CABLES1: variants seen among roughly 807,000 people sequenced by gnomAD.
CABLES1 encodes the protein Cdk5 and Abl enzyme substrate 1.
A neutral mutation model predicts 57.8 loss-of-function variants in CABLES1; 36 were observed. That is an observed-to-expected ratio of 0.62 (90% CI 0.48 to 0.82). CABLES1 has a LOEUF of 0.82. CABLES1 is among the 40% of genes least tolerant of loss of function. The pLI, the probability that CABLES1 is intolerant of heterozygous loss-of-function variation, is 0.00. For synonymous variants in CABLES1, 374 were observed against 363.0 expected (o/e 1.03, Z -0.35); for missense variants, 767 against 836.6 (o/e 0.92, Z 1.03).
intron 2 of CABLES1, among the ~76,000 whole-genome samples, chr18:23,193,766 C>G (rs1378740970): frequency 6.6e-6 from 1 of 152,012 alleles, no homozygotes; most frequent in Non-Finnish European, 1.5e-5. Context: ...TTTTGCCAGT[C>G]CTATAGTACA....
At chr18:23,200,544 G>A (rs902999489) in intron 3 of CABLES1, among the ~76,000 whole-genome samples, 10 of 152,206 alleles carry the variant, frequency 6.6e-5, no homozygotes, top group Admixed American at 4.6e-4. Context: ...TTACAGGCGT[G>A]AGCCACCGTG....
chr18:23,207,773 G>A (rs1189434298), intron 3 of CABLES1, among the ~76,000 whole-genome samples: 2 of 152,162 alleles, frequency 1.3e-5, no homozygotes, highest in Non-Finnish European at 2.9e-5. Context: ...AGGATAAGGT[G>A]TGCCTCCTTA....
At position 23,257,668 on chromosome 18, in the gene CABLES1, G is replaced by A; in HGVS notation, c.*301G>A. On this transcript the variant is annotated 3_prime_UTR_variant, in exon 10 of 10. Coordinates refer to ENST00000256925, the MANE Select transcript of CABLES1 (RefSeq NM_001100619.3). ...TGCCCCAGCCCAGTCTTTCTCCCCG[G>A]CATTCACAAACTTTGCAAGCGTGGT... is the stretch of plus-strand genomic sequence containing the variant. 1 of 282,560 alleles carries A rather than the reference G, an allele frequency of 3.5e-6. No homozygotes were observed. Among genetic ancestry groups the A allele is most frequent in the Non-Finnish European group, 6.5e-6 (1 of 155,022 alleles). 17.5% of individuals were successfully genotyped at this position (282,560 alleles called of 1,614,324 possible).
chr18:23,156,037 T>C (rs1490915171), intron 1 of CABLES1: 4 of 1,473,660 alleles, frequency 2.7e-6, no homozygotes, highest in East Asian at 4.5e-5. Flanking sequence ...ACGGTCTTTG[T>C]TGGAAATTGA....
At position 23,194,624 on chromosome 18, in the gene CABLES1, C is replaced by G; in HGVS notation, c.1010+84C>G. 6 of 875,364 alleles carry G rather than the reference C, an allele frequency of 6.9e-6. No individual in the cohort carries two copies. The South Asian group carries it at 8.3e-5, about 12-fold the overall frequency. The allele number at this position is 875,364 out of a possible 1,614,324, so 54.2% of individuals were successfully genotyped here. On this transcript the variant is annotated intron_variant, in intron 3 of 9. Transcript: ENST00000256925. ...GAGGGGACAGTTTTAGTGGCCAAAA[C>G]TCAGCAAACGCAAGCCCACACTTTT...
chr18:23,217,021 C>T (rs551375914), intron 4 of CABLES1, among the ~76,000 whole-genome samples: 21 of 152,262 alleles, frequency 1.4e-4, no homozygotes, highest in South Asian at 1.0e-3. Context: ...ATCCACTATT[C>T]CTCCAGATTT....
At chr18:23,182,718 C>T (rs922359409) in intron 1 of CABLES1, among the ~76,000 whole-genome samples, 2 of 152,228 alleles carry the variant, frequency 1.3e-5, no homozygotes, top group African/African-American at 2.4e-5. Context: ...TCCTAACTCT[C>T]GGGCCAGAGC....
intron 1 of CABLES1, among the ~76,000 whole-genome samples, chr18:23,144,217 G>A (rs1568041458): frequency 6.6e-6 from 1 of 152,224 alleles, no homozygotes; most frequent in Non-Finnish European, 1.5e-5. Flanking sequence ...CCCCTCCTCC[G>A]TGGTCTGGTC....
At chr18:23,156,222 C>T (rs1022036167) in intron 1 of CABLES1, among the ~76,000 whole-genome samples, 1 of 152,210 alleles carries the variant, frequency 6.6e-6, no homozygotes, top group Admixed American at 6.5e-5. Flanking sequence ...GGGCCATAGG[C>T]TCTCACATGG....
At position 23,237,140 on chromosome 18, in the gene CABLES1, A is replaced by AG. The variant is rs778065523; in HGVS notation, c.1343dup. On this transcript the variant is annotated splice_acceptor_variant, in intron 6 of 9. Transcript: ENST00000256925. LOFTEE classifies it high-confidence loss of function. Reference sequence around the variant, plus strand: ...ATTTTGCATTTTGCATGTGATCTTCAGGTAGTGACCTGGGAGACTTTATGG... The same window carrying AG: ...ATTTTGCATTTTGCATGTGATCTTCAGGGTAGTGACCTGGGAGACTTTATGG... 6.3e-7 allele frequency: 1 copy of AG among 1,589,302 alleles called. No individual in the cohort carries two copies. The highest frequency in any genetic ancestry group is 2.2e-5 in the East Asian group (1 of 44,750).
At chr18:23,175,276 T>C (rs956920476) in intron 1 of CABLES1, among the ~76,000 whole-genome samples, 1 of 152,186 alleles carries the variant, frequency 6.6e-6, no homozygotes, top group African/African-American at 2.4e-5. Context: ...GTATAATTGT[T>C]CTAATCTGAT....
In CABLES1 at chr18:23,136,137, G is replaced by T. The variant is rs2046818582; in HGVS notation, c.375G>T (p.Pro125=). The T allele has an allele frequency of 5.0e-6, 6 of 1,201,478 alleles. No individual in the cohort carries two copies. Among genetic ancestry groups the T allele is most frequent in the South Asian group, 8.2e-5 (2 of 24,526 alleles). 74.4% of individuals were successfully genotyped at this position (1,201,478 alleles called of 1,614,324 possible). A position where few individuals can be genotyped will look rare whatever the true frequency, so the allele number is the denominator to read the frequency against. The part of the protein sequence containing the change: ...ERGGCIALAA[P]GTPAAGLAAG... ...GCGGCTGCATCGCGCTCGCCGCGCC[G>T]GGCACGCCGGCTGCGGGGTTAGCCG... Residue 125 remains proline (P), a synonymous_variant, in exon 1 of 10, where the codon CCG becomes CCT. Coordinates refer to ENST00000256925, the MANE Select transcript of CABLES1 (RefSeq NM_001100619.3).
At chr18:23,200,994 C>T (rs1325082438) in intron 3 of CABLES1, among the ~76,000 whole-genome samples, 1 of 152,076 alleles carries the variant, frequency 6.6e-6, no homozygotes, top group African/African-American at 2.4e-5. Context: ...GAGTGATTGG[C>T]GTAAAGGCCC....
At chr18:23,161,333 T>G (rs537360260) in intron 1 of CABLES1, among the ~76,000 whole-genome samples, 2 of 152,196 alleles carry the variant, frequency 1.3e-5, no homozygotes, top group East Asian at 3.9e-4. Flanking sequence ...TTGTGGGTGC[T>G]GTGTTCCAGA....
At chr18:23,235,248 A>G (rs1282342982) in intron 5 of CABLES1, among the ~76,000 whole-genome samples, 2 of 152,214 alleles carry the variant, frequency 1.3e-5, no homozygotes, top group East Asian at 1.9e-4. Context: ...AACCCTTTCA[A>G]AATCTGTGTA....
chr18:23,146,874 A>G (rs1240585413), intron 1 of CABLES1, among the ~76,000 whole-genome samples: 1 of 152,184 alleles, frequency 6.6e-6, no homozygotes, highest in East Asian at 1.9e-4. Flanking sequence ...AGAATCAACT[A>G]AGTACTGTAG....
At chr18:23,177,729 G>C (rs1176986959) in intron 1 of CABLES1, among the ~76,000 whole-genome samples, 1 of 152,108 alleles carries the variant, frequency 6.6e-6, no homozygotes, top group African/African-American at 2.4e-5. Flanking sequence ...CCCCTGCCAT[G>C]GCCTGCCTGC....
intron 4 of CABLES1, among the ~76,000 whole-genome samples, chr18:23,222,924 A>G (rs1477667852): frequency 6.6e-6 from 1 of 152,212 alleles, no homozygotes; most frequent in Non-Finnish European, 1.5e-5. Flanking sequence ...TGCAAGTGCT[A>G]AGCCCCAGCG....
In CABLES1 at chr18:23,257,417, C is replaced by G. The variant is rs192381876; in HGVS notation, c.*50C>G. On this transcript the variant is annotated 3_prime_UTR_variant, in exon 10 of 10. Coordinates refer to ENST00000256925, the MANE Select transcript of CABLES1 (RefSeq NM_001100619.3). ...GCCATTTCTTCTCAGCTTGGTGGAG[C>G]AGCACTTACTTACTACTGGAAATGA... 167 of 1,530,570 alleles carry G rather than the reference C, an allele frequency of 1.1e-4. No homozygotes were observed. The African/African-American group carries it at 2.2e-3, about 20-fold the overall frequency. 94.8% of individuals were successfully genotyped at this position (1,530,570 alleles called of 1,614,324 possible).
Sources: gnomAD v4.1 joint callset for allele counts (sites outside exome capture counted in the v4.1 genomes callset) on GRCh38, gnomAD v4.1.1 for gene constraint, MANE v1.5 for transcripts, NCBI Gene and HGNC (gene_info 2026-07-23, HGNC 2026-07-21) for gene names.